Variants in PAPPA observed in about 807,000 individuals in gnomAD.
PAPPA encodes the protein pappalysin-1.
In PAPPA, 60 loss-of-function variants were observed where a neutral mutation model predicts 164.0. The ratio of observed to expected loss-of-function variants is 0.37; its 90% CI spans 0.30 to 0.45. The LOEUF is 0.45. Among genes scored for constraint, PAPPA ranks in the 20% least tolerant of loss-of-function variants. PAPPA has a pLI of 1.00. For synonymous variants in PAPPA, 875 were observed against 814.1 expected, an observed-to-expected ratio of 1.07 and a Z score of -1.27; for missense variants, 1,782 against 2,087.3, an observed-to-expected ratio of 0.85 and a Z score of 2.85.
chr9:116,235,451 A>G lies in PAPPA; in HGVS notation c.2546A>G (p.Glu849Gly), dbSNP rs1202105912. The change falls in exon 7 of 22, where the codon GAG (glutamate) becomes GGG (glycine). Residue 849 changes from glutamate (E) to glycine (G), a missense_variant. Glu to Gly is a moderately conservative substitution (Grantham distance 98). Transcript: ENST00000328252. ...ATCAGACTCTGGGACGTGGGCGAGG[A>G]GGTGTATGGCATCCAAATCTACACG... is the stretch of plus-strand genomic sequence containing the variant. ...LTIRLWDVGEEVYGIQIYTLD... is the reference protein window; with the variant it reads ...LTIRLWDVGEGVYGIQIYTLD... The G allele has an allele frequency of 4.3e-6, 7 of 1,613,314 alleles. No individual in the cohort carries two copies. Among genetic ancestry groups the G allele is most frequent in the South Asian group, 3.3e-5 (3 of 91,006 alleles).
Position 116,302,961 on chromosome 9 carries a change from A to G in PAPPA, c.3147+11A>G. On this transcript the variant is annotated intron_variant, in intron 10 of 21. Transcript: ENST00000328252. Reference sequence around the variant, plus strand: ...CCAGCAGCATCCCAGGTAAGATCCTAACCATGTGTGGCATTTCCTGCAGAC... The same window carrying G: ...CCAGCAGCATCCCAGGTAAGATCCTGACCATGTGTGGCATTTCCTGCAGAC... 1.9e-6 allele frequency: 3 copies of G among 1,611,138 alleles called. No individual in the cohort carries two copies. The highest frequency in any genetic ancestry group is 2.5e-6 in the Non-Finnish European group (3 of 1,178,398).
chr9:116,275,672 CCTT>C (rs1427237080), intron 9 of PAPPA, among the ~76,000 whole-genome samples: 2 of 151,984 alleles, frequency 1.3e-5, no homozygotes, highest in African/African-American at 4.8e-5. Flanking sequence ...TTCCTTCACT[CCTT>C]CTTCTGCCTC....
At chr9:116,356,982 T>A (rs1335779968) in intron 17 of PAPPA, among the ~76,000 whole-genome samples, 1 of 152,182 alleles carries the variant, frequency 6.6e-6, no homozygotes, top group African/African-American at 2.4e-5. Context: ...AAACAAAACC[T>A]GAGAAGGAGG....
intron 7 of PAPPA, among the ~76,000 whole-genome samples, chr9:116,236,516 G>C (rs1202035690): frequency 6.6e-6 from 1 of 151,490 alleles, no homozygotes; most frequent in Admixed American, 6.6e-5. Flanking sequence ...GAATCCAGGA[G>C]GCGGGGTTGC....
chr9:116,340,225 T>C (rs956804776), intron 13 of PAPPA, among the ~76,000 whole-genome samples: 2 of 152,242 alleles, frequency 1.3e-5, no homozygotes, highest in African/African-American at 4.8e-5. Context: ...TTTTATTTTG[T>C]TTTCCTTGTT....
chr9:116,277,027 G>A (rs936772847), intron 9 of PAPPA, among the ~76,000 whole-genome samples: 20 of 152,144 alleles, frequency 1.3e-4, no homozygotes, highest in Non-Finnish European at 2.5e-4. Flanking sequence ...TGGAGGTTCC[G>A]ATGAGACTTT....
intron 9 of PAPPA, among the ~76,000 whole-genome samples, chr9:116,289,908 T>C (rs1272108373): frequency 6.6e-6 from 1 of 152,156 alleles, no homozygotes; most frequent in African/African-American, 2.4e-5. Context: ...TGAAAACTAT[T>C]TGTTGATAGT....
intron 7 of PAPPA, among the ~76,000 whole-genome samples, chr9:116,249,695 A>T (rs1480672894): frequency 6.6e-6 from 1 of 152,144 alleles, no homozygotes; most frequent in Non-Finnish European, 1.5e-5. Flanking sequence ...TATTAATGGG[A>T]TAAAATACTT....
intron 20 of PAPPA, among the ~76,000 whole-genome samples, chr9:116,380,538 A>C (rs1169024498): frequency 1.3e-5 from 2 of 152,210 alleles, no homozygotes; most frequent in Non-Finnish European, 2.9e-5. Flanking sequence ...TTTATTACAT[A>C]AAAAAGAACA....
At chr9:116,247,042 A>G (rs1844805065) in intron 7 of PAPPA, among the ~76,000 whole-genome samples, 1 of 151,978 alleles carries the variant, frequency 6.6e-6, no homozygotes, top group Admixed American at 6.6e-5. Context: ...AAAAAAAGAG[A>G]GAGAGAAAAT....
chr9:116,248,690 G>A (rs1219856865), intron 7 of PAPPA, among the ~76,000 whole-genome samples: 1 of 152,188 alleles, frequency 6.6e-6, no homozygotes, highest in Admixed American at 6.5e-5. Flanking sequence ...GATATTAGAG[G>A]TGGGGGCTGT....
At chr9:116,348,306 T>C (rs1009619752) in intron 15 of PAPPA, among the ~76,000 whole-genome samples, 4 of 151,620 alleles carry the variant, frequency 2.6e-5, no homozygotes, top group African/African-American at 9.7e-5. Context: ...TGGGCAAAGG[T>C]CCTGCTGCCT....
intron 19 of PAPPA, among the ~76,000 whole-genome samples, chr9:116,368,525 A>G (rs962626820): frequency 6.6e-6 from 1 of 152,194 alleles, no homozygotes; most frequent in South Asian, 2.1e-4. Flanking sequence ...TCCTCAGGGC[A>G]GTGTCAGTTT....
chr9:116,307,896 G>A (rs1845667410), intron 10 of PAPPA, among the ~76,000 whole-genome samples: 1 of 152,008 alleles, frequency 6.6e-6, no homozygotes, highest in Non-Finnish European at 1.5e-5. Context: ...TAGAAATTAA[G>A]ATGAATGATA....
chr9:116,240,401 G>A (rs1360658960), intron 7 of PAPPA, among the ~76,000 whole-genome samples: 1 of 152,152 alleles, frequency 6.6e-6, no homozygotes, highest in African/African-American at 2.4e-5. Context: ...TCTAAACTTA[G>A]AACTAGAATA....
At chr9:116,256,955 C>T (rs533147376) in intron 7 of PAPPA, among the ~76,000 whole-genome samples, 1 of 151,236 alleles carries the variant, frequency 6.6e-6, no homozygotes, top group South Asian at 2.1e-4. Context: ...TGTACTAGGC[C>T]ACAAAACAAA....
At chr9:116,190,858 GA>G (rs1336178407) in intron 2 of PAPPA, among the ~76,000 whole-genome samples, 3 of 152,206 alleles carry the variant, frequency 2.0e-5, no homozygotes, top group African/African-American at 7.2e-5. Context: ...TGCTAGCTGG[GA>G]AAGCTGTATG....
chr9:116,231,713 GGATGGATA>G (rs1457523730), intron 6 of PAPPA, among the ~76,000 whole-genome samples: 1 of 93,668 alleles, frequency 1.1e-5, no homozygotes, highest in Non-Finnish European at 2.2e-5. Context: ...ATGGATGGAT[GGATGGATA>G]GTGTCTGTGT....
intron 7 of PAPPA, among the ~76,000 whole-genome samples, chr9:116,250,557 A>G (rs1300088640): frequency 6.6e-6 from 1 of 152,198 alleles, no homozygotes; most frequent in Non-Finnish European, 1.5e-5. Flanking sequence ...ATTTCTACAT[A>G]TTTGTGTTTC....
Sources: gnomAD v4.1 joint callset for allele counts (sites outside exome capture counted in the v4.1 genomes callset) on GRCh38, gnomAD v4.1.1 for gene constraint, MANE v1.5 for transcripts, NCBI Gene and HGNC (gene_info 2026-07-23, HGNC 2026-07-21) for gene names.